Variants in PRELP observed in about 807,000 individuals in gnomAD.
The protein encoded by PRELP is proline and arginine rich end leucine rich repeat protein, also known as prolargin.
A neutral mutation model predicts 22.8 loss-of-function variants in PRELP; 16 were observed. That is an observed-to-expected ratio of 0.70 (90% CI 0.47 to 1.06). PRELP has a LOEUF of 1.06. Among genes scored for constraint, PRELP ranks in the 50% least tolerant of loss-of-function variants. The pLI is 0.00. For synonymous variants in PRELP, 233 were observed against 211.4 expected (o/e 1.10, Z -0.89); for missense variants, 434 against 485.2 (o/e 0.89, Z 0.99).
At position 203,483,990 on chromosome 1, in the gene PRELP, C is replaced by T; in HGVS notation, c.806C>T (p.Ala269Val). ...TACTTCAAGAGCTTTCCCAATCTTG[C>T]CTTCATTCGGCTTAACTACAACAAG... ...NGYFKSFPNL[A>V]FIRLNYNKLT... Residue 269 changes from alanine (A) to valine (V), a missense_variant, in exon 2 of 3, where the codon GCC becomes GTC. Coordinates refer to ENST00000343110, the MANE Select transcript of PRELP (RefSeq NM_002725.4). The surrounding 1 kb of genome is among the most constrained non-coding windows in gnomAD (Gnocchi z 4.4). The T allele has an allele frequency of 6.2e-7, 1 of 1,614,220 alleles. No homozygotes were observed.
intron 2 of PRELP, among the ~76,000 whole-genome samples, chr1:203,485,187 G>C (rs1661073194): frequency 6.6e-6 from 1 of 151,362 alleles, no homozygotes; most frequent in Non-Finnish European, 1.5e-5. Context: ...ATGGGAAAAG[G>C]GGAAGACTGT....
At chr1:203,486,590 G>C (rs1037146392) in intron 2 of PRELP, 116 bp from the exon 3 acceptor site, 10 of 986,304 alleles carry the variant, frequency 1.0e-5, no homozygotes, top group Non-Finnish European at 1.5e-5. Context: ...CCCAAAGCTA[G>C]CCAGTTTCAG....
At chr1:203,480,012 G>C (rs1315155575) in intron 1 of PRELP, among the ~76,000 whole-genome samples, 1 of 152,130 alleles carries the variant, frequency 6.6e-6, no homozygotes, top group East Asian at 1.9e-4. Flanking sequence ...GGCCGAGGTG[G>C]GAGGATTGCT....
In PRELP at chr1:203,483,269, G is replaced by A. The variant is rs367741970; in HGVS notation, c.85G>A (p.Gly29Arg). The change falls in exon 2 of 3, where the codon GGG becomes AGG. Residue 29 changes from glycine to arginine, a missense_variant. Gly to Arg is a moderately radical substitution (Grantham distance 125, BLOSUM62 -2). Coordinates refer to ENST00000343110, the MANE Select transcript of PRELP (RefSeq NM_002725.4). This position sits in a 1 kb window ranked among gnomAD's most constrained non-coding sequence, Gnocchi z 4.4. ...QGQPTRRPRP[G>R]TGPGRRPRPR... ...CCAGCCAACAAGACGACCAAGACCC[G>A]GGACTGGGCCCGGGCGCAGACCCAG... The A allele has an allele frequency of 1.1e-4, 172 of 1,608,710 alleles. No individual in the cohort carries two copies. The highest frequency in any genetic ancestry group is 8.4e-4 in the South Asian group (76 of 90,556).
Position 203,483,425 on chromosome 1 carries a change from C to T in PRELP, c.241C>T (p.Pro81Ser), listed in dbSNP as rs150506217. The T allele has an allele frequency of 3.7e-5, 59 of 1,614,188 alleles. No individual in the cohort carries two copies. In the East Asian group the frequency reaches 1.1e-3, roughly 29 times the overall value. The part of the protein sequence containing the change: ...PDCPRECYCP[P>S]DFPSALYCDS... Reference sequence around the variant, plus strand: ...CTGTCCCCGCGAATGCTACTGCCCCCCTGATTTCCCATCTGCCCTCTACTG... The same window carrying T: ...CTGTCCCCGCGAATGCTACTGCCCCTCTGATTTCCCATCTGCCCTCTACTG... The change falls in exon 2 of 3, where the codon CCT becomes TCT. Residue 81 changes from proline to serine, a missense_variant. Pro to Ser is a moderately conservative substitution (Grantham distance 74). Transcript: ENST00000343110. The surrounding 1 kb of genome is among the most constrained non-coding windows in gnomAD (Gnocchi z 4.4).
At chr1:203,478,101 A>T (rs546261664) in intron 1 of PRELP, among the ~76,000 whole-genome samples, 65 of 152,330 alleles carry the variant, frequency 4.3e-4, no homozygotes, top group South Asian at 3.5e-3. Flanking sequence ...TAACATTCAG[A>T]AAACACTCAC....
At chr1:203,482,667 G>A (rs566562299) in intron 1 of PRELP, among the ~76,000 whole-genome samples, 1 of 127,134 alleles carries the variant, frequency 7.9e-6, no homozygotes, top group South Asian at 2.6e-4. Flanking sequence ...GTGCAATCTC[G>A]GCTCACTGCA....
Position 203,483,600 on chromosome 1 carries a change from G to T in PRELP, c.416G>T (p.Arg139Leu). ...ATTAACCTGGACAACAACCGAATCC[G>T]CAAGATAGACCAGAGGGTGCTGGAG... ...RWINLDNNRI[R>L]KIDQRVLEKL... is the part of the protein sequence containing the mutation. The change falls in exon 2 of 3, where the codon CGC (arginine) becomes CTC (leucine). Residue 139 changes from arginine to leucine, a missense_variant. Transcript: ENST00000343110. The surrounding 1 kb of genome is among the most constrained non-coding windows in gnomAD (Gnocchi z 4.4). 2 of 1,614,188 alleles carry T rather than the reference G, an allele frequency of 1.2e-6. No homozygotes were observed. Among genetic ancestry groups the T allele is most frequent in the African/African-American group, 1.3e-5 (1 of 75,040 alleles).
rs1402156040 is a variant in PRELP, at chr1:203,486,702, G to A, written c.974-4G>A. 8 of 1,604,860 alleles carry A rather than the reference G, an allele frequency of 5.0e-6. No homozygotes were observed. Among genetic ancestry groups the A allele is most frequent in the Admixed American group, 3.4e-5 (2 of 59,586 alleles). ...TTCTGATTTCTCGTCTTCTTTTTCC[G>A]TAGAAATCAACGGAACCCAGATTTG... On this transcript the variant is annotated splice_polypyrimidine_tract_variant and splice_region_variant and intron_variant, in intron 2 of 2. Coordinates refer to ENST00000343110, the MANE Select transcript of PRELP (RefSeq NM_002725.4).
intron 1 of PRELP, among the ~76,000 whole-genome samples, chr1:203,478,105 C>T (rs552344011): frequency 6.0e-4 from 91 of 152,178 alleles, no homozygotes; most frequent in African/African-American, 2.2e-3. Context: ...ATTCAGAAAA[C>T]ACTCACTTTG....
intron 1 of PRELP, among the ~76,000 whole-genome samples, chr1:203,480,409 G>A (rs1462640089): frequency 1.3e-5 from 2 of 152,238 alleles, no homozygotes; most frequent in South Asian, 2.1e-4. Context: ...GAAGGCAGGA[G>A]CATAGAGTGT....
chr1:203,482,111 T>G (rs1258129555), intron 1 of PRELP, among the ~76,000 whole-genome samples: 1 of 152,074 alleles, frequency 6.6e-6, no homozygotes, highest in Non-Finnish European at 1.5e-5. Flanking sequence ...TTAAGGACCT[T>G]TCTGGATTTA....
Position 203,484,717 on chromosome 1 carries a change from C to T in PRELP, c.973+560C>T, listed in dbSNP as rs183870567. 9.3e-4 allele frequency among the ~76,000 whole-genome samples: 141 copies of T among 152,322 alleles called. 1 individual carries two copies. Among genetic ancestry groups the T allele is most frequent in the African/African-American group, 2.6e-3 (110 of 41,572 alleles). ...GTGGCAGTCAGGAAAAGAAGGTCTG[C>T]ATGCTGGTGCTTTCTGAATCTATCT... On this transcript the variant is annotated intron_variant, in intron 2 of 2. Coordinates refer to ENST00000343110, the MANE Select transcript of PRELP (RefSeq NM_002725.4).
chr1:203,483,815 G>C lies in PRELP; in HGVS notation c.631G>C (p.Val211Leu). Residue 211 changes from valine (V) to leucine (L), a missense_variant, in exon 2 of 3, where the codon GTC becomes CTC. By Grantham distance (32) the Val-to-Leu change is conservative (BLOSUM62 1). Transcript: ENST00000343110. This position sits in a 1 kb window ranked among gnomAD's most constrained non-coding sequence, Gnocchi z 4.4. The stretch of plus-strand genomic sequence containing the variant: ...CCAGCACAACAGGCTGAGCGACGGC[G>C]TCTTCAAGCCCGACACCTTCCATGG... ...DLQHNRLSDG[V>L]FKPDTFHGLK... The C allele has an allele frequency of 6.2e-7, 1 of 1,614,128 alleles. No individual in the cohort carries two copies. Among genetic ancestry groups the C allele is most frequent in the Non-Finnish European group, 8.5e-7 (1 of 1,180,012 alleles).
Position 203,488,671 on chromosome 1 carries a change from C to G in PRELP, c.*1790C>G, listed in dbSNP as rs1483376812. On this transcript the variant is annotated 3_prime_UTR_variant, in exon 3 of 3. Coordinates refer to ENST00000343110, the MANE Select transcript of PRELP (RefSeq NM_002725.4). ...GTAATTTATTTTCTGTATGGACTGT[C>G]CCTCCCCCAGAGGCTTCCCCACCCT... 1 of 152,256 alleles carries G rather than the reference C, an allele frequency of 6.6e-6. No homozygotes were observed. The highest frequency in any genetic ancestry group is 1.9e-4 in the East Asian group (1 of 5,168). The allele number at this position is 152,256 out of a possible 1,614,324, so 9.4% of individuals were successfully genotyped here. A position where few individuals can be genotyped will look rare whatever the true frequency, so the allele number is the denominator to read the frequency against.
At chr1:203,480,406 G>A (rs1006788356) in intron 1 of PRELP, among the ~76,000 whole-genome samples, 1 of 152,240 alleles carries the variant, frequency 6.6e-6, no homozygotes, top group African/African-American at 2.4e-5. Flanking sequence ...CTAGAAGGCA[G>A]GAGCATAGAG....
Position 203,489,916 on chromosome 1 carries a change from C to T in PRELP, c.*3035C>T, listed in dbSNP as rs920982107. The T allele has an allele frequency of 6.6e-6, 1 of 152,058 alleles. No individual in the cohort carries two copies. The highest frequency in any genetic ancestry group is 2.4e-5 in the African/African-American group (1 of 41,398). 9.4% of individuals were successfully genotyped at this position (152,058 alleles called of 1,614,324 possible). On this transcript the variant is annotated 3_prime_UTR_variant, in exon 3 of 3. Coordinates refer to ENST00000343110, the MANE Select transcript of PRELP (RefSeq NM_002725.4). ...AAGTTGCAGTGAGCCGAGATCGCAC[C>T]ACTGCACTCCAGCCTAGGAGACAAA... is the stretch of plus-strand genomic sequence containing the variant.
chr1:203,483,752 G>T lies in PRELP; in HGVS notation c.568G>T (p.Val190Phe), dbSNP rs1165029780. The change falls in exon 2 of 3, where the codon GTC becomes TTC. Residue 190 changes from valine to phenylalanine, a missense_variant. Transcript: ENST00000343110. The surrounding 1 kb of genome is among the most constrained non-coding windows in gnomAD (Gnocchi z 4.4). ...CCACATCTCCAGAATCCCGCCTGGT[G>T]TCTTCAGCAAGCTGGAGAACCTGCT... Reference protein sequence around the residue: ...QNHISRIPPGVFSKLENLLLL... With the variant: ...QNHISRIPPGFFSKLENLLLL... The T allele has an allele frequency of 6.2e-7, 1 of 1,614,202 alleles. No homozygotes were observed. The highest frequency in any genetic ancestry group is 1.3e-5 in the African/African-American group (1 of 75,044).
In PRELP at chr1:203,486,921, A is replaced by G; in HGVS notation, c.*40A>G. 3.2e-6 allele frequency: 5 copies of G among 1,554,298 alleles called. No individual in the cohort carries two copies. Among genetic ancestry groups the G allele is most frequent in the African/African-American group, 1.4e-5 (1 of 73,436 alleles). On this transcript the variant is annotated 3_prime_UTR_variant, in exon 3 of 3. Transcript: ENST00000343110. ...CCGGATCTGCTCTGACCGCACTTGA[A>G]GGCTGGGGCCCAGGCACCTGTGCCG...
Sources: gnomAD v4.1 joint callset for allele counts (sites outside exome capture counted in the v4.1 genomes callset) on GRCh38, gnomAD v4.1.1 for gene constraint, Gnocchi (gnomAD v3.1) non-coding constraint, MANE v1.5 for transcripts, NCBI Gene and HGNC (gene_info 2026-07-23, HGNC 2026-07-21) for gene names.